Variants in ADARB2 observed in about 807,000 individuals in gnomAD.
ADARB2 encodes the protein adenosine deaminase RNA specific B2 (inactive).
A neutral mutation model predicts 62.2 loss-of-function variants in ADARB2; 25 were observed. That is an observed-to-expected ratio of 0.40 (90% CI 0.29 to 0.56). ADARB2 has a LOEUF of 0.56. Among genes scored for constraint, ADARB2 ranks in the 20% least tolerant of loss-of-function variants. The pLI is 0.43. For synonymous variants in ADARB2, 572 were observed against 500.8 expected, an observed-to-expected ratio of 1.14 and a Z score of -1.90; for missense variants, 1,071 against 1,077.4, an observed-to-expected ratio of 0.99 and a Z score of 0.08.
intron 1 of ADARB2, among the ~76,000 whole-genome samples, chr10:1,654,842 CT>C (rs1284897657): frequency 6.6e-5 from 10 of 152,206 alleles, no homozygotes; most frequent in Admixed American, 6.5e-4. Flanking sequence ...ACTGCAGCCC[CT>C]TCCCAGCCAC....
intron 3 of ADARB2, among the ~76,000 whole-genome samples, chr10:1,287,641 A>G (rs1016028861): frequency 6.6e-6 from 1 of 152,230 alleles, no homozygotes; most frequent in Non-Finnish European, 1.5e-5. Context: ...AATTACACAT[A>G]TATCAGCTGT....
chr10:1,212,469 T>C (rs572571737), intron 7 of ADARB2, among the ~76,000 whole-genome samples: 2 of 152,364 alleles, frequency 1.3e-5, no homozygotes, highest in Admixed American at 1.3e-4. Context: ...TGTCACTGCT[T>C]GTGCCTGGCC....
At chr10:1,318,005 C>A (rs1251361933) in intron 3 of ADARB2, among the ~76,000 whole-genome samples, 1 of 152,200 alleles carries the variant, frequency 6.6e-6, no homozygotes, top group East Asian at 1.9e-4. Context: ...TCTATAAAAA[C>A]ACTAACATTA....
intron 3 of ADARB2, among the ~76,000 whole-genome samples, chr10:1,287,208 G>A (rs1007160530): frequency 6.6e-6 from 1 of 152,104 alleles, no homozygotes; most frequent in African/African-American, 2.4e-5. Context: ...CCTGAATAAC[G>A]AGTTGAATCA....
chr10:1,522,067 C>A (rs919935753), intron 1 of ADARB2, among the ~76,000 whole-genome samples: 1 of 151,938 alleles, frequency 6.6e-6, no homozygotes, highest in African/African-American at 2.4e-5. Context: ...AAGATTGTTA[C>A]GAAAAATGAA....
At chr10:1,299,250 CATCAGGAGCCTGCCTGCAAAA>C (rs764009358) in intron 3 of ADARB2, among the ~76,000 whole-genome samples, 115 of 151,908 alleles carry the variant, frequency 7.6e-4, no homozygotes, top group Admixed American at 1.2e-3. Context: ...GCCCGGAAGG[CATCAGGAGCCTGCCTGCAAAA>C]GCCAGGAAGT....
At chr10:1,435,227 G>A (rs1007147517) in intron 1 of ADARB2, among the ~76,000 whole-genome samples, 2 of 152,208 alleles carry the variant, frequency 1.3e-5, no homozygotes, top group Non-Finnish European at 2.9e-5. Context: ...GCAGATGAAC[G>A]GCAGGAGCTC....
intron 1 of ADARB2, among the ~76,000 whole-genome samples, chr10:1,510,110 CTCTTTCTT>C (rs35894676): frequency 0.062 from 6,556 of 106,060 alleles, 190 homozygotes; most frequent in South Asian, 0.066. Context: ...CTTTCTTTCT[CTCTTTCTT>C]TCTTTCTTTC....
At chr10:1,259,093 G>A (rs1212185162) in intron 4 of ADARB2, among the ~76,000 whole-genome samples, 1 of 152,180 alleles carries the variant, frequency 6.6e-6, no homozygotes, top group East Asian at 1.9e-4. Flanking sequence ...GATGTTCTTT[G>A]AAACCAAGGA....
intron 1 of ADARB2, among the ~76,000 whole-genome samples, chr10:1,579,458 T>C (rs1305598881): frequency 6.6e-6 from 1 of 152,090 alleles, no homozygotes; most frequent in Non-Finnish European, 1.5e-5. Flanking sequence ...TTGTTGACTA[T>C]GATTTGAGAG....
rs1241017955 is a variant in ADARB2, at chr10:1,255,268, C to T, written c.1193-12969G>A. ...ATGGCTGGGGCTTGCTTTGTCAACACAGATTCACATGTTGCTCTGACAGGA... is the reference window on the plus strand; with the variant it reads ...ATGGCTGGGGCTTGCTTTGTCAACATAGATTCACATGTTGCTCTGACAGGA... On this transcript the variant is annotated intron_variant, in intron 4 of 9. Transcript: ENST00000381312. This position sits in a 1 kb window ranked among gnomAD's most constrained non-coding sequence, Gnocchi z 4.7. Among the ~76,000 whole-genome samples, 4 of 152,258 alleles carry T rather than the reference C, an allele frequency of 2.6e-5. No homozygotes were observed. The highest frequency in any genetic ancestry group is 9.6e-5 in the African/African-American group (4 of 41,472).
At chr10:1,364,871 A>AT (rs35539783) in intron 2 of ADARB2, among the ~76,000 whole-genome samples, 2,480 of 127,322 alleles carry the variant, frequency 0.019, 32 homozygotes, top group South Asian at 0.029. Flanking sequence ...CATTTTGGTA[A>AT]TTTTTTTTTT....
chr10:1,394,804 G>T (rs1588242853), intron 1 of ADARB2: 1 of 456,536 alleles, frequency 2.2e-6, no homozygotes, highest in Admixed American at 2.4e-5. Context: ...CTAAGGGGAG[G>T]AGCTGCTTCC....
chr10:1,363,512 G>T lies in ADARB2; in HGVS notation c.593C>A (p.Ala198Glu), dbSNP rs140367778. The T allele has an allele frequency of 3.3e-6, 5 of 1,531,850 alleles. No individual in the cohort carries two copies. The South Asian group carries it at 3.8e-5, about 12-fold the overall frequency. 94.9% of individuals were successfully genotyped at this position (1,531,850 alleles called of 1,614,324 possible). Residue 198 changes from alanine to glutamate, a missense_variant, in exon 3 of 10, where the codon GCG becomes GAG. Coordinates refer to ENST00000381312, the MANE Select transcript of ADARB2 (RefSeq NM_018702.4). ...SFVQFPNACQ[A>E]HLAMGGGPGP... ...CGGGCCCCCGCCCATGGCCAGGTGC[G>T]CCTGGCAGGCGTTGGGGAACTGCAC...
intron 1 of ADARB2, among the ~76,000 whole-genome samples, chr10:1,544,063 A>T (rs11250606): frequency 0.34 from 51,353 of 150,814 alleles, 9,253 homozygotes; most frequent in Non-Finnish European, 0.4. Context: ...ACGTGATGAA[A>T]GGGCAATGAT....
chr10:1,197,542 T>A (rs1171916671), intron 8 of ADARB2, among the ~76,000 whole-genome samples: 1 of 152,226 alleles, frequency 6.6e-6, no homozygotes. Context: ...AGACAGCCCG[T>A]GCTCTCCTCT....
chr10:1,614,046 G>T (rs1262241976), intron 1 of ADARB2, among the ~76,000 whole-genome samples: 1 of 152,142 alleles, frequency 6.6e-6, no homozygotes, highest in Admixed American at 6.5e-5. Flanking sequence ...TTCTTTACTG[G>T]AAATTATACC....
At chr10:1,608,880 C>T (rs1051827154) in intron 1 of ADARB2, among the ~76,000 whole-genome samples, 3 of 152,020 alleles carry the variant, frequency 2.0e-5, no homozygotes, top group South Asian at 2.1e-4. Context: ...CATTTCCCTC[C>T]GCATTGCCGG....
intron 1 of ADARB2, among the ~76,000 whole-genome samples, chr10:1,652,911 G>T (rs778614031): frequency 2.0e-5 from 3 of 152,158 alleles, no homozygotes; most frequent in Non-Finnish European, 4.4e-5. Flanking sequence ...GAGTTGGGGG[G>T]CATGCACGCT....
Sources: allele counts gnomAD v4.1 joint callset (sites outside exome capture counted in the v4.1 genomes callset), GRCh38; gene constraint gnomAD v4.1.1; non-coding constraint Gnocchi (gnomAD v3.1); transcripts MANE v1.5; gene names NCBI Gene and HGNC (gene_info 2026-07-23, HGNC 2026-07-21).